Variants in SUSD3 observed in about 807,000 individuals in gnomAD.
The protein encoded by SUSD3 is sushi domain-containing protein 3.
Under a neutral mutation model 20.6 loss-of-function variants are expected in SUSD3, and 18 were observed. The ratio of observed to expected loss-of-function variants is 0.87; its 90% CI spans 0.60 to 1.30. SUSD3 has a LOEUF of 1.30. SUSD3 is among the 50% of genes most tolerant of loss of function. SUSD3 has a pLI of 0.00. For missense variants in SUSD3, 306 were observed against 346.9 expected (o/e 0.88, Z 0.94); for synonymous variants, 137 against 141.5 (o/e 0.97, Z 0.23).
At chr9:93,077,391 T>C (rs4078501) in intron 2 of SUSD3, among the ~76,000 whole-genome samples, 48,527 of 151,712 alleles carry the variant, frequency 0.32, 11,663 homozygotes, top group African/African-American at 0.68. Flanking sequence ...AGGCAGGACT[T>C]CAGTGGGTAG....
intron 1 of SUSD3, among the ~76,000 whole-genome samples, chr9:93,062,879 C>A: frequency 6.6e-6 from 1 of 152,170 alleles, no homozygotes; most frequent in Admixed American, 6.5e-5. Context: ...TAGCTCCTGG[C>A]ACTGTGCTGC....
At chr9:93,078,137 T>A (rs1339976599) in intron 3 of SUSD3, 144 bp downstream of exon 3, 1 of 1,168,206 alleles carries the variant, frequency 8.6e-7, no homozygotes, top group Non-Finnish European at 1.2e-6. Context: ...GGCCTGCGTC[T>A]CCCCCCCAAG....
chr9:93,075,754 G>GCCC, intron 1 of SUSD3, 30 bp from the exon 2 acceptor site: 1 of 228,532 alleles, frequency 4.4e-6, no homozygotes, highest in South Asian at 3.4e-5. Flanking sequence ...CCCCCCCCCC[G>GCCC]CCATGCCTCA....
chr9:93,084,272 G>C (rs776687271), intron 4 of SUSD3, among the ~76,000 whole-genome samples: 25 of 152,226 alleles, frequency 1.6e-4, no homozygotes, highest in East Asian at 5.8e-4. Flanking sequence ...CACACCTTAG[G>C]GGGGCAAGTG....
intron 1 of SUSD3, among the ~76,000 whole-genome samples, chr9:93,074,170 T>C (rs550393964): frequency 6.6e-6 from 1 of 152,056 alleles, no homozygotes; most frequent in East Asian, 1.9e-4. Flanking sequence ...ACTGGCCGGG[T>C]GTGGTGGCTC....
intron 3 of SUSD3, 115 bp downstream of exon 3, chr9:93,078,108 TC>T: frequency 7.1e-7 from 1 of 1,401,278 alleles, no homozygotes; most frequent in Non-Finnish European, 9.8e-7. Context: ...GGGCACCCGT[TC>T]CTACCACTGC....
intron 4 of SUSD3, among the ~76,000 whole-genome samples, chr9:93,083,025 G>A (rs1013700399): frequency 2.0e-5 from 3 of 152,238 alleles, no homozygotes; most frequent in Non-Finnish European, 4.4e-5. Context: ...CCGTCCAAGA[G>A]TGGCCACAGA....
rs147686318 is a variant in SUSD3 at position 93,068,009 on chromosome 9, T to C, written c.89-7775T>C. On this transcript the variant is annotated intron_variant, in intron 1 of 4. Coordinates refer to ENST00000375472, the MANE Select transcript of SUSD3 (RefSeq NM_145006.4). ...CTTGTGCTTATTGGCTGCTAACTTA[T>C]CTTTTTCAGAGAAATGTCTGTTCAG... is the stretch of plus-strand genomic sequence containing the variant. Among the ~76,000 whole-genome samples, 20 of 152,370 alleles carry C rather than the reference T, an allele frequency of 1.3e-4. No individual in the cohort carries two copies. In the East Asian group the frequency reaches 3.8e-3, roughly 29 times the overall value.
rs938133684 is a variant in SUSD3 at position 93,058,820 on chromosome 9, G to A, written c.78G>A (p.Gly26=). 4.5e-5 allele frequency: 57 copies of A among 1,259,854 alleles called. No homozygotes were observed. Among genetic ancestry groups the A allele is most frequent in the Admixed American group, 1.2e-4 (3 of 24,096 alleles). The allele number at this position is 1,259,854 out of a possible 1,614,324, so 78.0% of individuals were successfully genotyped here. A position where few individuals can be genotyped will look rare whatever the true frequency, so the allele number is the denominator to read the frequency against. ...CCGGGGTCACCACGCCTGCCCCAGG[G>A]AACCGCACAGGTGAGGGCTGGGGCC... ...GRAGVTTPAP[G]NRTGTCAKLR... The change falls in exon 1 of 5, where the codon GGG becomes GGA. Residue 26 remains glycine (G), a synonymous_variant. Transcript: ENST00000375472.
chr9:93,080,025 TC>T (rs1826344101), intron 4 of SUSD3, among the ~76,000 whole-genome samples: 1 of 152,054 alleles, frequency 6.6e-6, no homozygotes, highest in Admixed American at 6.5e-5. Context: ...TTTTTCTGAG[TC>T]CAGAAATTTA....
intron 1 of SUSD3, among the ~76,000 whole-genome samples, chr9:93,059,800 G>A (rs1022620326): frequency 3.9e-5 from 6 of 152,236 alleles, no homozygotes; most frequent in African/African-American, 1.4e-4. Flanking sequence ...GGGAAACTGC[G>A]GCTCAGGGAG....
chr9:93,082,459 A>C (rs1826456705), intron 4 of SUSD3, among the ~76,000 whole-genome samples: 1 of 151,702 alleles, frequency 6.6e-6, no homozygotes, highest in Non-Finnish European at 1.5e-5. Context: ...CTGGGACCAC[A>C]GGTGTCCGCC....
intron 4 of SUSD3, among the ~76,000 whole-genome samples, chr9:93,083,507 A>T (rs1424671037): frequency 1.3e-5 from 2 of 152,224 alleles, no homozygotes; most frequent in African/African-American, 4.8e-5. Flanking sequence ...AGTACTTCTC[A>T]GCACTTGCAA....
intron 1 of SUSD3, 34 bp from the exon 2 acceptor site, chr9:93,075,750 C>CCCCCCCCCA: frequency 4.3e-6 from 1 of 230,194 alleles, no homozygotes; most frequent in Non-Finnish European, 8.4e-6. Flanking sequence ...ACCCCCCCCC[C>CCCCCCCCCA]CCCGCCATGC....
chr9:93,079,374 C>T, intron 3 of SUSD3, 97 bp from the exon 4 acceptor site: 1 of 1,400,478 alleles, frequency 7.1e-7, no homozygotes, highest in Non-Finnish European at 9.9e-7. Context: ...TGCACTGGTC[C>T]TGCAGACGGT....
intron 1 of SUSD3, among the ~76,000 whole-genome samples, chr9:93,066,460 C>T (rs1181748339): frequency 6.6e-6 from 1 of 152,154 alleles, no homozygotes; most frequent in Non-Finnish European, 1.5e-5. Context: ...TCTCAAACTG[C>T]TGACCTCATG....
rs114652250 is a variant in SUSD3, at chr9:93,067,635, T to C, written c.89-8149T>C. On this transcript the variant is annotated intron_variant, in intron 1 of 4. Transcript: ENST00000375472. ...TTTTTCTTGAAACGAAGTCTTGCTC[T>C]GTCCCAGGCTGGAGTGCGGTAGCCT... 8.3e-3 allele frequency among the ~76,000 whole-genome samples: 1,263 copies of C among 151,920 alleles called. 19 individuals are homozygous for C. Among genetic ancestry groups the C allele is most frequent in the African/African-American group, 0.029 (1,185 of 41,330 alleles).
intron 1 of SUSD3, among the ~76,000 whole-genome samples, chr9:93,069,730 C>A: frequency 6.6e-6 from 1 of 151,980 alleles, no homozygotes; most frequent in East Asian, 1.9e-4. Flanking sequence ...GGCTTTTCTA[C>A]ATATATACGA....
intron 4 of SUSD3, among the ~76,000 whole-genome samples, chr9:93,080,916 A>G (rs1394973808): frequency 2.6e-5 from 4 of 152,188 alleles, no homozygotes; most frequent in Non-Finnish European, 5.9e-5. Flanking sequence ...ACATGAACTC[A>G]TGAATATTCT....
Sources: gnomAD v4.1 joint callset for allele counts (sites outside exome capture counted in the v4.1 genomes callset) on GRCh38, gnomAD v4.1.1 for gene constraint, MANE v1.5 for transcripts, NCBI Gene and HGNC (gene_info 2026-07-23, HGNC 2026-07-21) for gene names.